ITGA1: variants seen among roughly 807,000 people sequenced by gnomAD.
ITGA1 encodes integrin subunit alpha 1.
In ITGA1, 85 loss-of-function variants were observed where a neutral mutation model predicts 145.9. The ratio of observed to expected loss-of-function variants is 0.58; its 90% confidence interval spans 0.49 to 0.70. The LOEUF (loss-of-function observed/expected upper bound fraction) is 0.70. ITGA1 is among the 30% of genes least tolerant of loss of function. The pLI is 0.00. For synonymous variants in ITGA1, 520 were observed against 495.3 expected (o/e 1.05, Z -0.66); for missense variants, 1,351 against 1,418.7 (o/e 0.95, Z 0.77).
At chr5:52,842,808 C>A (rs1749276725) in intron 1 of ITGA1, among the ~76,000 whole-genome samples, 2 of 151,858 alleles carry the variant, frequency 1.3e-5, no homozygotes, top group South Asian at 4.1e-4. Flanking sequence ...GCCTCAGCCT[C>A]CTGAGTAGCT....
intron 1 of ITGA1, among the ~76,000 whole-genome samples, chr5:52,823,353 C>T (rs1221272850): frequency 8.5e-5 from 13 of 152,072 alleles, no homozygotes; most frequent in Admixed American, 3.9e-4. Context: ...TATAGGCTTG[C>T]GCCACCATGC....
At position 52,910,314 on chromosome 5, in the gene ITGA1, T is replaced by C; in HGVS notation, c.1752T>C (p.Asp584=). 6.2e-7 allele frequency: 1 copy of C among 1,613,992 alleles called. No homozygotes were observed. Among genetic ancestry groups the C allele is most frequent in the Non-Finnish European group, 8.5e-7 (1 of 1,179,934 alleles). ...CTGCTGTAAAAGACCTCAATCTTGA[T>C]GGATTTAATGACATCGTGATAGGAG... ...AIAAVKDLNL[D]GFNDIVIGAP... The change falls in exon 14 of 29, where the codon GAT becomes GAC. Residue 584 remains aspartate (D), a synonymous_variant. Transcript: ENST00000282588.
chr5:52,898,784 C>A (rs921629265), intron 11 of ITGA1, among the ~76,000 whole-genome samples: 1 of 152,156 alleles, frequency 6.6e-6, no homozygotes, highest in African/African-American at 2.4e-5. Context: ...TAAATGTCTT[C>A]TATCATTAAT....
At chr5:52,798,423 T>G (rs1167309964) in intron 1 of ITGA1, among the ~76,000 whole-genome samples, 2 of 152,200 alleles carry the variant, frequency 1.3e-5, no homozygotes, top group Admixed American at 1.3e-4. Context: ...ACACTTAAGT[T>G]TAAATTGTGA....
At position 52,910,375 on chromosome 5, in the gene ITGA1, A is replaced by T; in HGVS notation, c.1813A>T (p.Ile605Phe). The change falls in exon 14 of 29, where the codon ATT becomes TTT. Residue 605 changes from isoleucine to phenylalanine, a missense_variant. Coordinates refer to ENST00000282588, the MANE Select transcript of ITGA1 (RefSeq NM_181501.2). Reference protein sequence around the residue: ...LEDDHGGAVYIYHGSGKTIRK... With the variant: ...LEDDHGGAVYFYHGSGKTIRK... ...AGATGATCACGGGGGAGCTGTGTAC[A>T]TTTATCATGGAAGTGGCAAGACTAT... 4 of 1,613,806 alleles carry T rather than the reference A, an allele frequency of 2.5e-6. No homozygotes were observed. Among genetic ancestry groups the T allele is most frequent in the Non-Finnish European group, 1.7e-6 (2 of 1,179,816 alleles).
At chr5:52,932,325 T>G (rs1750904830) in intron 22 of ITGA1, 189 bp downstream of exon 22, 1 of 539,226 alleles carries the variant, frequency 1.9e-6, no homozygotes, top group Admixed American at 3.4e-5. Flanking sequence ...CAGGTAATTC[T>G]CATGCATCCT....
At chr5:52,906,805 T>C (rs1750415571) in intron 12 of ITGA1, among the ~76,000 whole-genome samples, 1 of 152,310 alleles carries the variant, frequency 6.6e-6, no homozygotes, top group Non-Finnish European at 1.5e-5. Flanking sequence ...GCCCTCCTGC[T>C]CTGCAAGAGT....
intron 1 of ITGA1, among the ~76,000 whole-genome samples, chr5:52,841,792 A>G (rs1210607455): frequency 6.6e-6 from 1 of 152,224 alleles, no homozygotes; most frequent in Non-Finnish European, 1.5e-5. Context: ...GGAGTTATAG[A>G]AAATACTTAA....
At chr5:52,950,182 A>G (rs1355163920) in intron 28 of ITGA1, among the ~76,000 whole-genome samples, 1 of 152,208 alleles carries the variant, frequency 6.6e-6, no homozygotes, top group East Asian at 1.9e-4. Flanking sequence ...CTGTGGTACC[A>G]CATGCCGGGG....
intron 23 of ITGA1, among the ~76,000 whole-genome samples, chr5:52,935,246 T>A (rs1318951525): frequency 6.6e-6 from 1 of 152,034 alleles, no homozygotes; most frequent in Non-Finnish European, 1.5e-5. Flanking sequence ...GAACTTTTTT[T>A]AAGGTGAAAC....
At chr5:52,886,026 G>A (rs1750041052) in intron 7 of ITGA1, among the ~76,000 whole-genome samples, 1 of 152,150 alleles carries the variant, frequency 6.6e-6, no homozygotes, top group Non-Finnish European at 1.5e-5. Flanking sequence ...TGGGGAATGA[G>A]GAATGTGATC....
intron 23 of ITGA1, among the ~76,000 whole-genome samples, chr5:52,936,486 C>A (rs1750966664): frequency 6.6e-6 from 1 of 152,166 alleles, no homozygotes; most frequent in African/African-American, 2.4e-5. Flanking sequence ...TTGGGTAGAT[C>A]ACTGGCTTTC....
intron 16 of ITGA1, among the ~76,000 whole-genome samples, chr5:52,919,200 A>G (rs898062674): frequency 6.6e-6 from 1 of 152,206 alleles, no homozygotes; most frequent in Non-Finnish European, 1.5e-5. Flanking sequence ...ATACCGATTC[A>G]GAGGTAGAGT....
At chr5:52,801,064 C>T in intron 1 of ITGA1, 1 of 1,613,222 alleles carries the variant, frequency 6.2e-7, no homozygotes, top group Non-Finnish European at 8.5e-7. Flanking sequence ...CCTGTTTCAA[C>T]AAGCAGTGAA....
chr5:52,804,647 C>T (rs948325844), intron 1 of ITGA1, among the ~76,000 whole-genome samples: 2 of 152,164 alleles, frequency 1.3e-5, no homozygotes, highest in African/African-American at 4.8e-5. Context: ...ACTAATTCTG[C>T]AATTCATATA....
chr5:52,853,716 C>G (rs1749462868), intron 2 of ITGA1, among the ~76,000 whole-genome samples: 2 of 152,178 alleles, frequency 1.3e-5, no homozygotes. Flanking sequence ...CACATGCTTT[C>G]TCAGTAGCAG....
At chr5:52,852,904 C>T (rs1260730481) in intron 2 of ITGA1, among the ~76,000 whole-genome samples, 2 of 152,112 alleles carry the variant, frequency 1.3e-5, no homozygotes, top group Admixed American at 6.6e-5. Flanking sequence ...ATGTGACTCT[C>T]CTAGGGAAAT....
In ITGA1 at chr5:52,954,601, ATTATAAT is replaced by A; in HGVS notation, c.*2153_*2159del. ...GAACCAGAAGTCCTGTTTCTCTAAT[ATTATAAT>A]TTGTTGAGGTTTGTGTGTGTGTGTG... is the stretch of plus-strand genomic sequence containing the variant. On this transcript the variant is annotated 3_prime_UTR_variant, in exon 29 of 29. Transcript: ENST00000282588. 6.8e-6 allele frequency: 1 copy of A among 146,780 alleles called. No individual in the cohort carries two copies. The highest frequency in any genetic ancestry group is 2.0e-4 in the East Asian group (1 of 5,076). The allele number at this position is 146,780 out of a possible 1,614,324, so 9.1% of individuals were successfully genotyped here.
intron 1 of ITGA1, among the ~76,000 whole-genome samples, chr5:52,792,617 C>T (rs1748264177): frequency 6.6e-6 from 1 of 152,136 alleles, no homozygotes; most frequent in Admixed American, 6.5e-5. Context: ...ACTTCCAACC[C>T]AATAAACTTC....
Sources: gnomAD v4.1 joint callset for allele counts (sites outside exome capture counted in the v4.1 genomes callset) on GRCh38, gnomAD v4.1.1 for gene constraint, MANE v1.5 for transcripts, NCBI Gene and HGNC (gene_info 2026-07-23, HGNC 2026-07-21) for gene names.